RELN: variants seen among roughly 807,000 people sequenced by gnomAD.
RELN encodes the protein reelin.
Under a neutral mutation model 427.6 loss-of-function variants are expected in RELN, and 108 were observed. The ratio of observed to expected loss-of-function variants is 0.25; its 90% CI spans 0.22 to 0.30. The LOEUF is 0.30. Among genes scored for constraint, RELN ranks in the 10% least tolerant of loss-of-function variants. RELN has a pLI of 1.00. For missense variants in RELN, 3,715 were observed against 4,302.8 expected (o/e 0.86, Z 3.82); for synonymous variants, 1,524 against 1,513.4 (o/e 1.01, Z -0.16).
intron 4 of RELN, among the ~76,000 whole-genome samples, chr7:103,775,472 A>G (rs1032354121): frequency 1.3e-5 from 2 of 152,148 alleles, no homozygotes; most frequent in Non-Finnish European, 2.9e-5. Flanking sequence ...AATAAATGGT[A>G]TTTTCTTAGG....
chr7:103,542,632 C>G, intron 43 of RELN, 99 bp downstream of exon 43: 1 of 1,247,868 alleles, frequency 8.0e-7, no homozygotes, highest in Non-Finnish European at 1.2e-6. Context: ...CAATGGAAGG[C>G]CTTGTCCTTG....
chr7:103,865,104 A>C (rs1244440722), intron 2 of RELN, among the ~76,000 whole-genome samples: 1 of 146,850 alleles, frequency 6.8e-6, no homozygotes, highest in Non-Finnish European at 1.5e-5. Context: ...ATTGTACTCC[A>C]AACTGGCCAA....
chr7:103,539,451 C>T lies in RELN; in HGVS notation c.6931-124G>A, dbSNP rs60951836. ...TGGCCTGCTCAGAACTGGCACTGGA[C>T]GGCCAGCAGAATGTGAGGGGCCTTT... On this transcript the variant is annotated intron_variant, in intron 44 of 64. Transcript: ENST00000428762. 1.7e-4 allele frequency: 170 copies of T among 974,966 alleles called. No individual in the cohort carries two copies. In the East Asian group the frequency reaches 2.3e-3, roughly 13 times the overall value. 60.4% of individuals were successfully genotyped at this position (974,966 alleles called of 1,614,324 possible).
At chr7:103,767,195 C>A (rs1472090155) in intron 4 of RELN, among the ~76,000 whole-genome samples, 1 of 152,216 alleles carries the variant, frequency 6.6e-6, no homozygotes, top group Non-Finnish European at 1.5e-5. Flanking sequence ...TTTGCCTTAA[C>A]TGTGTAGATT....
At chr7:103,803,560 T>C (rs1336327934) in intron 3 of RELN, among the ~76,000 whole-genome samples, 2 of 152,080 alleles carry the variant, frequency 1.3e-5, no homozygotes, top group African/African-American at 4.8e-5. Flanking sequence ...TAAATACTCT[T>C]TGGCACTTTC....
At chr7:103,763,141 T>C (rs1020381566) in intron 4 of RELN, among the ~76,000 whole-genome samples, 1 of 152,210 alleles carries the variant, frequency 6.6e-6, no homozygotes, top group African/African-American at 2.4e-5. Context: ...TCAAATACCA[T>C]GTAACCAACT....
intron 61 of RELN, among the ~76,000 whole-genome samples, chr7:103,485,970 G>T (rs1828424984): frequency 6.6e-6 from 1 of 152,218 alleles, no homozygotes; most frequent in South Asian, 2.1e-4. Flanking sequence ...CCACCACTCA[G>T]CCACTGTGGG....
At chr7:103,849,143 A>G (rs28628152) in intron 2 of RELN, among the ~76,000 whole-genome samples, 21,350 of 152,078 alleles carry the variant, frequency 0.14, 1,678 homozygotes, top group East Asian at 0.29. Flanking sequence ...CTAAATAATG[A>G]ACATTAATTA....
chr7:103,682,789 G>A (rs1562955170), intron 10 of RELN, among the ~76,000 whole-genome samples: 1 of 152,260 alleles, frequency 6.6e-6, no homozygotes, highest in South Asian at 2.1e-4. Context: ...TTCTCAACCA[G>A]TTTCTGAGTA....
At chr7:103,716,481 C>T (rs188101169) in intron 8 of RELN, among the ~76,000 whole-genome samples, 3 of 152,216 alleles carry the variant, frequency 2.0e-5, no homozygotes, top group Non-Finnish European at 4.4e-5. Flanking sequence ...ACAGATGAGT[C>T]CCTGGTTAAT....
At chr7:103,547,507 G>T (rs1325616071) in intron 41 of RELN, among the ~76,000 whole-genome samples, 2 of 152,140 alleles carry the variant, frequency 1.3e-5, no homozygotes, top group East Asian at 1.9e-4. Context: ...ATGTTGGCCA[G>T]GCTGCTCTCA....
chr7:103,594,970 C>G (rs988370430), intron 25 of RELN, among the ~76,000 whole-genome samples: 34 of 152,254 alleles, frequency 2.2e-4, no homozygotes, highest in African/African-American at 7.9e-4. Flanking sequence ...TGATGTATCT[C>G]TTCACAGCTT....
chr7:103,553,995 G>A (rs1830470874), intron 38 of RELN, among the ~76,000 whole-genome samples, 164 bp from the exon 39 acceptor site: 1 of 152,106 alleles, frequency 6.6e-6, no homozygotes, highest in African/African-American at 2.4e-5. Context: ...AGACCAGCCT[G>A]AGCAACATAG....
At position 103,728,755 on chromosome 7, in the gene RELN, T is replaced by C. The variant is rs1360405666; in HGVS notation, c.657-548A>G. Reference sequence around the variant, plus strand: ...TTTGGAGTTATGGTTAATGTAAATGTTTAAAATGACTGTCCTCAAACAAAT... The same window carrying C: ...TTTGGAGTTATGGTTAATGTAAATGCTTAAAATGACTGTCCTCAAACAAAT... On this transcript the variant is annotated intron_variant, in intron 6 of 64. Coordinates refer to ENST00000428762, the MANE Select transcript of RELN (RefSeq NM_005045.4). 2.6e-5 allele frequency among the ~76,000 whole-genome samples: 4 copies of C among 152,178 alleles called. No homozygotes were observed. The East Asian group carries it at 5.8e-4, about 22-fold the overall frequency.
At chr7:103,524,569 A>G (rs1273370538) in intron 46 of RELN, among the ~76,000 whole-genome samples, 1 of 152,174 alleles carries the variant, frequency 6.6e-6, no homozygotes. Flanking sequence ...TTGAACATGA[A>G]AAGACTTTTA....
At chr7:103,685,670 C>T (rs920644309) in intron 10 of RELN, among the ~76,000 whole-genome samples, 4 of 152,074 alleles carry the variant, frequency 2.6e-5, no homozygotes, top group South Asian at 2.1e-4. Flanking sequence ...CAATGACATA[C>T]ACTTTATGCT....
intron 2 of RELN, among the ~76,000 whole-genome samples, chr7:103,888,580 A>G (rs1355673699): frequency 6.6e-6 from 1 of 152,230 alleles, no homozygotes; most frequent in Non-Finnish European, 1.5e-5. Flanking sequence ...ATTTTGCTAA[A>G]GAGATGGCCT....
In RELN at chr7:103,491,850, TCTCTCTCACACACA is replaced by T. The variant is rs1440657678; in HGVS notation, c.9443+89_9443+102del. The T allele has an allele frequency of 2.8e-3, 1,418 of 510,362 alleles. 8 individuals carry two copies. In the African/African-American group the frequency reaches 0.028, roughly 10 times the overall value. The allele number at this position is 510,362 out of a possible 1,614,324, so 31.6% of individuals were successfully genotyped here. On this transcript the variant is annotated intron_variant, in intron 58 of 64. Transcript: ENST00000428762. ...CTCTCTCTCTCTCTCTCTCTCTCTCTCTCTCTCACACACACACACACACACACACACACACACAC... is the reference window on the plus strand; with the variant it reads ...CTCTCTCTCTCTCTCTCTCTCTCTCTCACACACACACACACACACACACAC...
chr7:103,555,819 T>C (rs549448643), intron 38 of RELN, among the ~76,000 whole-genome samples: 1 of 152,364 alleles, frequency 6.6e-6, no homozygotes, highest in Non-Finnish European at 1.5e-5. Flanking sequence ...TATGTATACA[T>C]ATATGTTTCA....
Sources: gnomAD v4.1 joint callset for allele counts (sites outside exome capture counted in the v4.1 genomes callset) on GRCh38, gnomAD v4.1.1 for gene constraint, MANE v1.5 for transcripts, NCBI Gene and HGNC (gene_info 2026-07-23, HGNC 2026-07-21) for gene names.